Variants in YAF2 observed in about 807,000 individuals in gnomAD.
The protein encoded by YAF2 is YY1 associated factor 2, also known as YY1-associated factor 2.
A neutral mutation model predicts 20.1 loss-of-function variants in YAF2; 7 were observed. The ratio of observed to expected loss-of-function variants is 0.35; its 90% CI spans 0.20 to 0.65. The LOEUF (loss-of-function observed/expected upper bound fraction) is 0.65. YAF2 is among the 30% of genes least tolerant of loss of function. The pLI is 0.69. For synonymous variants in YAF2, 74 were observed against 76.0 expected, an observed-to-expected ratio of 0.97 and a Z score of 0.14; for missense variants, 151 against 219.2, an observed-to-expected ratio of 0.69 and a Z score of 1.96.
chr12:42,223,101 A>T (rs751172998), intron 2 of YAF2, among the ~76,000 whole-genome samples: 3 of 152,148 alleles, frequency 2.0e-5, no homozygotes, highest in Non-Finnish European at 4.4e-5. Flanking sequence ...ACTGGTGAAG[A>T]AGGTAGAAAT....
intron 2 of YAF2, among the ~76,000 whole-genome samples, chr12:42,201,906 T>C (rs1020733608): frequency 2.0e-5 from 3 of 152,180 alleles, no homozygotes; most frequent in African/African-American, 7.2e-5. Flanking sequence ...TTTTCCTTTT[T>C]GAGGCAACAA....
intron 2 of YAF2, among the ~76,000 whole-genome samples, chr12:42,180,722 G>A (rs2066320577): frequency 6.6e-6 from 1 of 152,128 alleles, no homozygotes; most frequent in Non-Finnish European, 1.5e-5. Context: ...GCTGAGGCAG[G>A]TGGATCGCTT....
At chr12:42,238,087 C>G (rs992374509) in intron 1 of YAF2, 68 bp downstream of exon 1, 847 of 1,306,868 alleles carry the variant, frequency 6.5e-4, no homozygotes, top group Non-Finnish European at 8.1e-4. Flanking sequence ...GCGAGGCGGC[C>G]ACCCGAAGCC....
intron 2 of YAF2, among the ~76,000 whole-genome samples, chr12:42,220,455 A>G (rs1329608123): frequency 6.6e-6 from 1 of 152,234 alleles, no homozygotes; most frequent in African/African-American, 2.4e-5. Context: ...CTGTTGGTGA[A>G]GTAAAGAATG....
intron 2 of YAF2, among the ~76,000 whole-genome samples, chr12:42,236,376 G>A (rs565173172): frequency 1.3e-5 from 2 of 152,106 alleles, no homozygotes; most frequent in South Asian, 4.2e-4. Flanking sequence ...TTTAGCATAC[G>A]TTTGAAAGTT....
At chr12:42,165,350 A>T (rs932887579) in intron 2 of YAF2, among the ~76,000 whole-genome samples, 1 of 152,242 alleles carries the variant, frequency 6.6e-6, no homozygotes, top group Non-Finnish European at 1.5e-5. Context: ...CAATGAAACG[A>T]CTTCATTAAG....
chr12:42,168,475 C>T (rs773820929), intron 2 of YAF2, among the ~76,000 whole-genome samples: 1 of 152,106 alleles, frequency 6.6e-6, no homozygotes, highest in Non-Finnish European at 1.5e-5. Context: ...AGCCACCATG[C>T]CTGGCCGAAA....
At chr12:42,212,085 A>T (rs1395782015) in intron 2 of YAF2, among the ~76,000 whole-genome samples, 1 of 152,154 alleles carries the variant, frequency 6.6e-6, no homozygotes, top group Non-Finnish European at 1.5e-5. Context: ...CACCAAACAC[A>T]AACAAAAGTA....
intron 2 of YAF2, among the ~76,000 whole-genome samples, chr12:42,204,589 G>A (rs1329879185): frequency 1.3e-5 from 2 of 152,118 alleles, no homozygotes; most frequent in Admixed American, 1.3e-4. Context: ...TCTGAGGGAA[G>A]TCCTGCAAAC....
At chr12:42,237,085 T>C (rs1196054827) in intron 2 of YAF2, among the ~76,000 whole-genome samples, 3 of 152,284 alleles carry the variant, frequency 2.0e-5, no homozygotes, top group African/African-American at 7.2e-5. Flanking sequence ...AATATTAGAG[T>C]ACTGGAATAA....
At chr12:42,191,114 T>C (rs1414361916) in intron 2 of YAF2, among the ~76,000 whole-genome samples, 2 of 152,160 alleles carry the variant, frequency 1.3e-5, no homozygotes, top group Non-Finnish European at 2.9e-5. Context: ...CTTTATCACT[T>C]TGATGCAGCA....
intron 2 of YAF2, among the ~76,000 whole-genome samples, chr12:42,212,015 A>G (rs1320539075): frequency 2.0e-5 from 3 of 151,698 alleles, no homozygotes; most frequent in Non-Finnish European, 4.4e-5. Context: ...TGCCTGGGAG[A>G]CACAGCAAGA....
chr12:42,206,429 CA>C (rs1322666498), intron 2 of YAF2, among the ~76,000 whole-genome samples: 1 of 151,482 alleles, frequency 6.6e-6, no homozygotes, highest in African/African-American at 2.4e-5. Flanking sequence ...GCCAACATGG[CA>C]AAACCCCATT....
chr12:42,236,068 C>A, intron 2 of YAF2: 4 of 1,492,712 alleles, frequency 2.7e-6, no homozygotes, highest in Admixed American at 2.1e-5. Flanking sequence ...AGAGAGGGAA[C>A]AACAAAAAGC....
intron 2 of YAF2, chr12:42,236,032 T>A: frequency 6.5e-7 from 1 of 1,533,984 alleles, no homozygotes; most frequent in South Asian, 1.2e-5. Context: ...CTAGTTTCAG[T>A]ATTTTTCTAA....
At chr12:42,191,299 T>C (rs2066606604) in intron 2 of YAF2, among the ~76,000 whole-genome samples, 2 of 152,208 alleles carry the variant, frequency 1.3e-5, no homozygotes, top group Non-Finnish European at 2.9e-5. Context: ...ATACCCTAGA[T>C]TATCAGTGTC....
rs1255595344 is a variant in YAF2, at chr12:42,159,798, C to T, written c.*791G>A. On this transcript the variant is annotated 3_prime_UTR_variant, in exon 4 of 4. Coordinates refer to ENST00000534854, the MANE Select transcript of YAF2 (RefSeq NM_005748.6). The stretch of plus-strand genomic sequence containing the variant: ...TCTTTTCTCTTGTTTTTGCCAAATG[C>T]TTATAATTATTTGAATTTTAATGTT... The T allele has an allele frequency of 2.6e-5, 4 of 152,448 alleles. No homozygotes were observed. The highest frequency in any genetic ancestry group is 7.2e-5 in the African/African-American group (3 of 41,504). 9.4% of individuals were successfully genotyped at this position (152,448 alleles called of 1,614,324 possible). A position where few individuals can be genotyped will look rare whatever the true frequency, so the allele number is the denominator to read the frequency against.
At chr12:42,225,080 G>A (rs1164967756) in intron 2 of YAF2, among the ~76,000 whole-genome samples, 1 of 152,226 alleles carries the variant, frequency 6.6e-6, no homozygotes, top group Non-Finnish European at 1.5e-5. Flanking sequence ...TAAATGGCAT[G>A]AGATACTATC....
intron 2 of YAF2, among the ~76,000 whole-genome samples, chr12:42,186,972 G>A (rs559587649): frequency 2.0e-5 from 3 of 152,160 alleles, no homozygotes; most frequent in African/African-American, 7.2e-5. Context: ...GGAGGTAGTA[G>A]AAATTGAGAG....
Sources: gnomAD v4.1 joint callset for allele counts (sites outside exome capture counted in the v4.1 genomes callset) on GRCh38, gnomAD v4.1.1 for gene constraint, MANE v1.5 for transcripts, NCBI Gene and HGNC (gene_info 2026-07-23, HGNC 2026-07-21) for gene names.